The following KRT27 variants were observed in gnomAD, a reference collection of about 807,000 sequenced individuals.
The protein encoded by KRT27 is keratin, type I cytoskeletal 27.
KRT27 carries 30 observed loss-of-function variants against 45.3 expected under a neutral mutation model. That is an observed-to-expected ratio of 0.66 (90% CI 0.50 to 0.90). The LOEUF is 0.90. KRT27 is among the 40% of genes least tolerant of loss of function. The pLI is 0.00. For synonymous variants in KRT27, 204 were observed against 223.9 expected (o/e 0.91, Z 0.79); for missense variants, 610 against 564.3 (o/e 1.08, Z -0.82).
chr17:40,778,769 A>G (rs1040810510), intron 5 of KRT27, among the ~76,000 whole-genome samples: 1 of 152,208 alleles, frequency 6.6e-6, no homozygotes, highest in Non-Finnish European at 1.5e-5. Context: ...TGAGTGGCCA[A>G]AAGGAATGCT....
In KRT27 at chr17:40,779,868, G is replaced by A; in HGVS notation, c.685-7C>T. 1 of 1,601,194 alleles carries A rather than the reference G, an allele frequency of 6.2e-7. No homozygotes were observed. Among genetic ancestry groups the A allele is most frequent in the Non-Finnish European group, 8.5e-7 (1 of 1,176,048 alleles). On this transcript the variant is annotated splice_polypyrimidine_tract_variant and splice_region_variant and intron_variant, in intron 3 of 7. Transcript: ENST00000301656. The stretch of plus-strand genomic sequence containing the variant: ...ACTGAAGAGCTTTCATTTCCTGAAA[G>A]ATATTTGTTTAACGGAATTAGGATC...
chr17:40,781,074 ATACATG>A, intron 2 of KRT27, 108 bp downstream of exon 2: 1 of 588,038 alleles, frequency 1.7e-6, no homozygotes, highest in South Asian at 3.1e-5. Flanking sequence ...TTTAAAACAA[ATACATG>A]AATAAACAAG....
In KRT27 at chr17:40,777,503, G is replaced by A. The variant is rs754595227; in HGVS notation, c.1190+12C>T. The A allele has an allele frequency of 2.0e-5, 33 of 1,612,710 alleles. No homozygotes were observed. Among genetic ancestry groups the A allele is most frequent in the East Asian group, 1.1e-4 (5 of 44,874 alleles). ...AAAAATGAATTGTTTTCTCAATGGC[G>A]GCAATACTGACCCATCTTCTCCATC... On this transcript the variant is annotated intron_variant, in intron 6 of 7. Coordinates refer to ENST00000301656, the MANE Select transcript of KRT27 (RefSeq NM_181537.4).
In KRT27 at chr17:40,780,375, C is replaced by CATCCAGGTCAGCTCATCG; in HGVS notation, c.608_609insCGATGAGCTGACCTGGAT (p.Leu203delinsPheAspGluLeuThrTrpMet). On this transcript the variant is annotated protein_altering_variant, in exon 3 of 8. Coordinates refer to ENST00000301656, the MANE Select transcript of KRT27 (RefSeq NM_181537.4). ...GCTGGATCTCCAGGTCCGTTCTGCA[C>CATCCAGGTCAGCTCATCG]AAGGTCAGCTCATCCAGGACTCTTC... The CATCCAGGTCAGCTCATCG allele has an allele frequency of 6.2e-7, 1 of 1,613,606 alleles. No individual in the cohort carries two copies. The highest frequency in any genetic ancestry group is 1.1e-5 in the South Asian group (1 of 90,888).
At chr17:40,779,250 A>G (rs946511873) in intron 5 of KRT27, among the ~76,000 whole-genome samples, 1 of 152,194 alleles carries the variant, frequency 6.6e-6, no homozygotes, top group African/African-American at 2.4e-5. Flanking sequence ...TAGAAGATTC[A>G]AAGTCAAAAC....
Position 40,780,329 on chromosome 17 carries a change from G to A in KRT27, c.655C>T (p.Leu219Phe). Residue 219 changes from leucine to phenylalanine, a missense_variant, in exon 3 of 8, where the codon CTC becomes TTC. Physicochemically the swap from Leu to Phe is conservative, Grantham distance 22. Transcript: ENST00000301656. Reference protein sequence around the residue: ...EIQLETLSEELAYLKKNHEEE... With the variant: ...EIQLETLSEEFAYLKKNHEEE... ...TCATGATTCTTCTTGAGGTAAGCGA[G>A]CTCCTCACTGAGAGTTTCCAGCTGG... is the stretch of plus-strand genomic sequence containing the variant. 1 of 1,612,346 alleles carries A rather than the reference G, an allele frequency of 6.2e-7. No homozygotes were observed.
chr17:40,776,846 A>G lies in KRT27; in HGVS notation c.*153T>C, dbSNP rs964189477. ...GAAGAACTTTTATTGAAACACCACC[A>G]TAGAGAAAAAGCCAAAGAAATGGTA... On this transcript the variant is annotated 3_prime_UTR_variant, in exon 8 of 8. Coordinates refer to ENST00000301656, the MANE Select transcript of KRT27 (RefSeq NM_181537.4). The G allele has an allele frequency of 9.5e-6, 6 of 632,582 alleles. No individual in the cohort carries two copies. Among genetic ancestry groups the G allele is most frequent in the African/African-American group, 9.1e-5 (5 of 54,768 alleles). The allele number at this position is 632,582 out of a possible 1,614,324, so 39.2% of individuals were successfully genotyped here. A position where few individuals can be genotyped will look rare whatever the true frequency, so the allele number is the denominator to read the frequency against.
chr17:40,780,447 G>T lies in KRT27; in HGVS notation c.537C>A (p.Asn179Lys), dbSNP rs770910798. Reference sequence around the variant, plus strand: ...CCACGCTCTGGTGAAGCGCTAGCTCGTTTTCAAACCTTAGAAAAGTATTTG... The same window carrying T: ...CCACGCTCTGGTGAAGCGCTAGCTCTTTTTCAAACCTTAGAAAAGTATTTG... ...TADDFRLKFE[N>K]ELALHQSVEA... is the part of the protein sequence containing the mutation. The change falls in exon 3 of 8, where the codon AAC (asparagine) becomes AAA (lysine). Residue 179 changes from asparagine (N) to lysine (K), a missense_variant. Physicochemically the swap from Asn to Lys is moderately conservative, Grantham distance 94. Coordinates refer to ENST00000301656, the MANE Select transcript of KRT27 (RefSeq NM_181537.4). 2.2e-5 allele frequency: 35 copies of T among 1,612,814 alleles called. No homozygotes were observed. Among genetic ancestry groups the T allele is most frequent in the Middle Eastern group, 1.6e-4 (1 of 6,078 alleles).
At position 40,782,472 on chromosome 17, in the gene KRT27, T is replaced by C. The variant is rs759587604; in HGVS notation, c.22A>G (p.Thr8Ala). ...CCGCAAGAGCCAAGTCTCCTGGAGG[T>C]AGAAGAAAAGCGCACAGACATGGTG... MSVRFSS[T>A]SRRLGSCGGT... Residue 8 changes from threonine (T) to alanine (A), a missense_variant, in exon 1 of 8, where the codon ACC (threonine) becomes GCC (alanine). Thr to Ala is a moderately conservative substitution (Grantham distance 58). Transcript: ENST00000301656. The C allele has an allele frequency of 8.8e-5, 139 of 1,585,530 alleles. No individual in the cohort carries two copies. In the Middle Eastern group the frequency reaches 2.0e-3, roughly 23 times the overall value.
chr17:40,779,601 A>G lies in KRT27; in HGVS notation c.873T>C (p.Ser291=). 6.2e-7 allele frequency: 1 copy of G among 1,614,226 alleles called. No homozygotes were observed. The highest frequency in any genetic ancestry group is 1.1e-5 in the South Asian group (1 of 91,086). Residue 291 remains serine (S), a synonymous_variant, in exon 5 of 8, where the codon TCT becomes TCC. Transcript: ENST00000301656. ...EKSASLQQQI[S]DDAGATTSAR... is the part of the protein sequence containing the mutation. Reference sequence around the variant, plus strand: ...CTGAGGTGGTGGCGCCAGCGTCGTCAGAGATCTGCTGCTGCAGCGAGGCGC... The same window carrying G: ...CTGAGGTGGTGGCGCCAGCGTCGTCGGAGATCTGCTGCTGCAGCGAGGCGC...
rs754834491 is a variant in KRT27, at chr17:40,782,168, T to C, written c.326A>G (p.Asn109Ser). The change falls in exon 1 of 8, where the codon AAC becomes AGC. Residue 109 changes from asparagine to serine, a missense_variant. Transcript: ENST00000301656. ...LENVRALEEA[N>S]ADLEQKIKGW... Reference sequence around the variant, plus strand: ...CTTGATCTTCTGCTCCAAGTCAGCGTTGGCCTCCTCTAGGGCTCGAACATT... The same window carrying C: ...CTTGATCTTCTGCTCCAAGTCAGCGCTGGCCTCCTCTAGGGCTCGAACATT... 16 of 1,614,204 alleles carry C rather than the reference T, an allele frequency of 9.9e-6. No individual in the cohort carries two copies. In the Admixed American group the frequency reaches 1.3e-4, roughly 13 times the overall value.
At position 40,782,214 on chromosome 17, in the gene KRT27, G is replaced by A. The variant is rs1425065735; in HGVS notation, c.280C>T (p.Arg94Cys). ...EKVTMQNLND[R>C]LASYLENVRA... ...ACATTCTCCAGGTAGGAGGCCAAGC[G>A]GTCGTTGAGGTTCTGCATGGTCACC... The change falls in exon 1 of 8, where the codon CGC (arginine) becomes TGC (cysteine). Residue 94 changes from arginine to cysteine, a missense_variant. Transcript: ENST00000301656. 11 of 1,614,084 alleles carry A rather than the reference G, an allele frequency of 6.8e-6. No homozygotes were observed. Among genetic ancestry groups the A allele is most frequent in the African/African-American group, 1.3e-5 (1 of 74,928 alleles).
At chr17:40,779,923 T>C in intron 3 of KRT27, 62 bp from the exon 4 acceptor site, 1 of 1,535,192 alleles carries the variant, frequency 6.5e-7, no homozygotes. Flanking sequence ...ACTTTTTGAG[T>C]TAGGGTCTCG....
rs1333286890 is a variant in KRT27, at chr17:40,782,431, C to T, written c.63G>A (p.Val21=). ...AGCCTGCTCCCCCACTAGAGAGCCT[C>T]ACAGAGCCAGTGCCCCCGCAAGAGC... ...RLGSCGGTGS[V]RLSSGGAGFG... is the part of the protein sequence containing the mutation. Residue 21 remains valine, a synonymous_variant, in exon 1 of 8, where the codon GTG becomes GTA. Coordinates refer to ENST00000301656, the MANE Select transcript of KRT27 (RefSeq NM_181537.4). The T allele has an allele frequency of 6.2e-7, 1 of 1,610,938 alleles. No individual in the cohort carries two copies. The highest frequency in any genetic ancestry group is 8.5e-7 in the Non-Finnish European group (1 of 1,178,566).
Position 40,782,342 on chromosome 17 carries a change from C to T in KRT27, c.152G>A (p.Gly51Asp), listed in dbSNP as rs548176424. ...IGSGFSCAFG[G>D]SSSAGGYGGG... ...GCCATAGCCTCCTGCAGATGAGCTG[C>T]CCCCAAAAGCACAAGAGAAGCCACT... Residue 51 changes from glycine to aspartate, a missense_variant, in exon 1 of 8, where the codon GGC becomes GAC. Coordinates refer to ENST00000301656, the MANE Select transcript of KRT27 (RefSeq NM_181537.4). The T allele has an allele frequency of 3.1e-6, 5 of 1,614,144 alleles. No homozygotes were observed. The East Asian group carries it at 8.9e-5, about 29-fold the overall frequency.
chr17:40,779,829 G>T lies in KRT27; in HGVS notation c.717C>A (p.Gly239=). Residue 239 remains glycine, a synonymous_variant, in exon 4 of 8, where the codon GGC becomes GGA. Coordinates refer to ENST00000301656, the MANE Select transcript of KRT27 (RefSeq NM_181537.4). ...CCGCGTTCATCTCCACGTTCACGTT[G>T]CCTCCAGCCGCGCACTGAAGAGCTT... is the stretch of plus-strand genomic sequence containing the variant. The part of the protein sequence containing the change: ...EMKALQCAAG[G]NVNVEMNAAP... The T allele has an allele frequency of 6.2e-7, 1 of 1,613,586 alleles. No individual in the cohort carries two copies. Among genetic ancestry groups the T allele is most frequent in the Non-Finnish European group, 8.5e-7 (1 of 1,179,854 alleles).
rs748457280 is a variant in KRT27 at position 40,782,354 on chromosome 17, C to T, written c.140G>A (p.Cys47Tyr). 6.2e-7 allele frequency: 1 copy of T among 1,614,056 alleles called. No homozygotes were observed. The highest frequency in any genetic ancestry group is 8.5e-7 in the Non-Finnish European group (1 of 1,180,042). The change falls in exon 1 of 8, where the codon TGT (cysteine) becomes TAT (tyrosine). Residue 47 changes from cysteine to tyrosine, a missense_variant. By Grantham distance (194) the Cys-to-Tyr change is radical. Coordinates refer to ENST00000301656, the MANE Select transcript of KRT27 (RefSeq NM_181537.4). ...TGCAGATGAGCTGCCCCCAAAAGCACAAGAGAAGCCACTTCCAATGCCTGG... is the reference window on the plus strand; with the variant it reads ...TGCAGATGAGCTGCCCCCAAAAGCATAAGAGAAGCCACTTCCAATGCCTGG... Reference protein sequence around the residue: ...GVPGIGSGFSCAFGGSSSAGG... With the variant: ...GVPGIGSGFSYAFGGSSSAGG...
At position 40,781,275 on chromosome 17, in the gene KRT27, C is replaced by G. The variant is rs2038309459; in HGVS notation, c.445-5G>C. 1 of 1,576,662 alleles carries G rather than the reference C, an allele frequency of 6.3e-7. No individual in the cohort carries two copies. Among genetic ancestry groups the G allele is most frequent in the South Asian group, 1.1e-5 (1 of 88,432 alleles). On this transcript the variant is annotated splice_polypyrimidine_tract_variant and splice_region_variant and intron_variant, in intron 1 of 7. Transcript: ENST00000301656. Reference sequence around the variant, plus strand: ...ACTGGTAGTTGCAGAAATTATCTGACAAATGAAAAGTTAGTTAAGATTGAG... The same window carrying G: ...ACTGGTAGTTGCAGAAATTATCTGAGAAATGAAAAGTTAGTTAAGATTGAG...
intron 2 of KRT27, 138 bp from the exon 3 acceptor site, chr17:40,780,594 C>T: frequency 2.8e-6 from 2 of 710,548 alleles, no homozygotes; most frequent in Non-Finnish European, 2.2e-6. Flanking sequence ...GGCGCGGTGG[C>T]TCACGCCTGT....
Sources: gnomAD v4.1 joint callset for allele counts (sites outside exome capture counted in the v4.1 genomes callset) on GRCh38, gnomAD v4.1.1 for gene constraint, MANE v1.5 for transcripts, NCBI Gene and HGNC (gene_info 2026-07-23, HGNC 2026-07-21) for gene names.